The following SEC23IP variants were observed in gnomAD, a reference collection of about 807,000 sequenced individuals.
The protein encoded by SEC23IP is SEC23 interacting protein.
A neutral mutation model predicts 113.4 loss-of-function variants in SEC23IP; 70 were observed. The ratio of observed to expected loss-of-function variants is 0.62; its 90% CI spans 0.51 to 0.75. The LOEUF (loss-of-function observed/expected upper bound fraction) is 0.75, where lower values mean the gene tolerates loss of function less well. SEC23IP is among the 30% of genes least tolerant of loss of function. The probability of loss-of-function intolerance (pLI) is 0.00; values close to 1 mark genes in which losing one functional copy is unlikely to be tolerated. For missense variants in SEC23IP, 1,160 were observed against 1,204.9 expected (o/e 0.96, Z 0.55); for synonymous variants, 398 against 421.0 (o/e 0.95, Z 0.67).
intron 1 of SEC23IP, among the ~76,000 whole-genome samples, chr10:119,896,723 T>C (rs1311742631): frequency 6.6e-6 from 1 of 152,112 alleles, no homozygotes; most frequent in Admixed American, 6.6e-5. Context: ...GAAAAAAAGT[T>C]TCTCGGACCA....
rs187601257 is a variant in SEC23IP at position 119,926,494 on chromosome 10, T to C, written c.2313+267T>C. Among the ~76,000 whole-genome samples, 643 of 152,354 alleles carry C rather than the reference T, an allele frequency of 4.2e-3. 12 individuals are homozygous for C. The highest frequency in any genetic ancestry group is 6.8e-4 in the Non-Finnish European group (46 of 68,032). Reference sequence around the variant, plus strand: ...ATACTTTTATAGCATCAGTCTCTTATAGCCACTAACAACAGAAGTGGCCAT... The same window carrying C: ...ATACTTTTATAGCATCAGTCTCTTACAGCCACTAACAACAGAAGTGGCCAT... On this transcript the variant is annotated intron_variant, in intron 13 of 18. Transcript: ENST00000369075.
chr10:119,919,514 C>T lies in SEC23IP; in HGVS notation c.1943C>T (p.Thr648Ile). Residue 648 changes from threonine to isoleucine, a missense_variant, in exon 11 of 19, where the codon ACT becomes ATT. By Grantham distance (89) the Thr-to-Ile change is moderately conservative. Transcript: ENST00000369075. Reference protein sequence around the residue: ...DLVVENKEVLTLQETLEALSL... With the variant: ...DLVVENKEVLILQETLEALSL... The stretch of plus-strand genomic sequence containing the variant: ...GTTGTTGAAAATAAAGAAGTCCTAA[C>T]TTTGCAAGAAACTCTGGAAGCACTT... 1 of 1,613,520 alleles carries T rather than the reference C, an allele frequency of 6.2e-7. No individual in the cohort carries two copies. The highest frequency in any genetic ancestry group is 8.5e-7 in the Non-Finnish European group (1 of 1,179,746).
At chr10:119,920,742 G>A (rs1027407575) in intron 11 of SEC23IP, 147 bp from the exon 12 acceptor site, 2 of 526,394 alleles carry the variant, frequency 3.8e-6, no homozygotes, top group African/African-American at 3.9e-5. Context: ...ACTGATGCAT[G>A]ATTTAAATAC....
At chr10:119,928,583 A>G (rs1855493873) in intron 13 of SEC23IP, among the ~76,000 whole-genome samples, 1 of 152,256 alleles carries the variant, frequency 6.6e-6, no homozygotes, top group African/African-American at 2.4e-5. Context: ...GAGCTTTGCC[A>G]TAGGCATAAT....
chr10:119,893,957 G>C (rs1355741447), intron 1 of SEC23IP, among the ~76,000 whole-genome samples: 1 of 152,068 alleles, frequency 6.6e-6, no homozygotes, highest in Non-Finnish European at 1.5e-5. Flanking sequence ...TGATTATGTA[G>C]CATTGCCCAG....
intron 2 of SEC23IP, among the ~76,000 whole-genome samples, chr10:119,900,462 G>T (rs950791892): frequency 4.0e-5 from 6 of 151,790 alleles, no homozygotes; most frequent in African/African-American, 1.5e-4. Flanking sequence ...GGCACATGCT[G>T]CCATACCTGG....
At chr10:119,895,103 G>T (rs1854230123) in intron 1 of SEC23IP, among the ~76,000 whole-genome samples, 1 of 152,182 alleles carries the variant, frequency 6.6e-6, no homozygotes, top group Non-Finnish European at 1.5e-5. Context: ...GACATGGAAG[G>T]CCTGGCACAG....
At chr10:119,893,971 A>G (rs1337257409) in intron 1 of SEC23IP, among the ~76,000 whole-genome samples, 1 of 152,178 alleles carries the variant, frequency 6.6e-6, no homozygotes, top group Non-Finnish European at 1.5e-5. Context: ...TGCCCAGAGC[A>G]TAGTGTTTAA....
intron 4 of SEC23IP, among the ~76,000 whole-genome samples, chr10:119,906,894 T>G (rs1854687258): frequency 6.6e-6 from 1 of 152,026 alleles, no homozygotes; most frequent in Non-Finnish European, 1.5e-5. Context: ...ATTTTTAAGG[T>G]GGTGAAAGTT....
intron 4 of SEC23IP, among the ~76,000 whole-genome samples, chr10:119,906,949 T>C (rs1854690267): frequency 6.6e-6 from 1 of 152,060 alleles, no homozygotes; most frequent in South Asian, 2.1e-4. Context: ...TTTTAGAAAT[T>C]ATGAATTATA....
intron 2 of SEC23IP, 108 bp downstream of exon 2, chr10:119,899,067 A>G (rs1854389959): frequency 9.9e-7 from 1 of 1,008,688 alleles, no homozygotes; most frequent in African/African-American, 1.6e-5. Flanking sequence ...ATGGTGACAA[A>G]TTAGTTTCAG....
chr10:119,913,225 T>A (rs1052769796), intron 6 of SEC23IP, among the ~76,000 whole-genome samples: 1 of 115,252 alleles, frequency 8.7e-6, no homozygotes, highest in African/African-American at 3.6e-5. Context: ...TACCACATAG[T>A]ATAGATTCTA....
At position 119,919,487 on chromosome 10, in the gene SEC23IP, T is replaced by A. The variant is rs1855170689; in HGVS notation, c.1916T>A (p.Leu639His). 6.2e-7 allele frequency: 1 copy of A among 1,613,114 alleles called. No individual in the cohort carries two copies. Among genetic ancestry groups the A allele is most frequent in the African/African-American group, 1.3e-5 (1 of 74,864 alleles). Residue 639 changes from leucine to histidine, a missense_variant, in exon 11 of 19, where the codon CTT becomes CAT. Physicochemically the swap from Leu to His is moderately conservative, Grantham distance 99. Coordinates refer to ENST00000369075, the MANE Select transcript of SEC23IP (RefSeq NM_007190.4). Reference protein sequence around the residue: ...PKLTLDESYDLVVENKEVLTL... With the variant: ...PKLTLDESYDHVVENKEVLTL... ...CTGACTTTGGATGAGTCGTATGACC[T>A]TGTTGTTGAAAATAAAGAAGTCCTA...
chr10:119,935,563 G>T (rs528228466), intron 18 of SEC23IP, among the ~76,000 whole-genome samples: 12 of 152,134 alleles, frequency 7.9e-5, no homozygotes, highest in African/African-American at 2.9e-4. Context: ...CCATCTGTCC[G>T]CCCATCCGTC....
intron 18 of SEC23IP, 148 bp downstream of exon 18, chr10:119,933,935 G>T: frequency 2.2e-6 from 1 of 459,482 alleles, no homozygotes; most frequent in Non-Finnish European, 3.8e-6. Flanking sequence ...AGACATTAAG[G>T]AAGATAATTG....
Position 119,932,177 on chromosome 10 carries a change from G to A in SEC23IP, c.2617G>A (p.Gly873Ser), listed in dbSNP as rs1416440304. The A allele has an allele frequency of 1.2e-6, 2 of 1,612,874 alleles. No homozygotes were observed. The highest frequency in any genetic ancestry group is 1.1e-5 in the South Asian group (1 of 91,050). Reference protein sequence around the residue: ...LSRMGSDLKQGFISSLKSAWQ... With the variant: ...LSRMGSDLKQSFISSLKSAWQ... ...TCGTATGGGATCTGATTTGAAGCAGGGTTTTATTAGCTCTCTCAAAAGTGC... is the reference window on the plus strand; with the variant it reads ...TCGTATGGGATCTGATTTGAAGCAGAGTTTTATTAGCTCTCTCAAAAGTGC... Residue 873 changes from glycine to serine, a missense_variant, in exon 16 of 19, where the codon GGT (glycine) becomes AGT (serine). Gly to Ser is a moderately conservative substitution (Grantham distance 56, BLOSUM62 0). Transcript: ENST00000369075.
chr10:119,901,336 T>C (rs2134457054), intron 2 of SEC23IP, among the ~76,000 whole-genome samples: 1 of 152,106 alleles, frequency 6.6e-6, no homozygotes, highest in East Asian at 1.9e-4. Flanking sequence ...TTTATTTACT[T>C]ATTTTTTTTT....
chr10:119,915,250 G>A (rs1485258230), intron 7 of SEC23IP, among the ~76,000 whole-genome samples: 1 of 152,206 alleles, frequency 6.6e-6, no homozygotes, highest in Non-Finnish European at 1.5e-5. Context: ...TATATGCCAA[G>A]TATCTTAGAT....
At chr10:119,938,680 C>A (rs1855871501) in intron 18 of SEC23IP, among the ~76,000 whole-genome samples, 2 of 152,082 alleles carry the variant, frequency 1.3e-5, no homozygotes, top group Non-Finnish European at 2.9e-5. Context: ...ATTTAAGTTC[C>A]CCTGACGCTC....
Sources: allele counts gnomAD v4.1 joint callset (sites outside exome capture counted in the v4.1 genomes callset), GRCh38; gene constraint gnomAD v4.1.1; transcripts MANE v1.5; gene names NCBI Gene and HGNC (gene_info 2026-07-23, HGNC 2026-07-21).